The following KCNK3 variants were observed in gnomAD, a reference collection of about 807,000 sequenced individuals.
KCNK3 encodes the protein potassium two pore domain channel subfamily K member 3.
A neutral mutation model predicts 27.3 loss-of-function variants in KCNK3; 9 were observed. The observed-to-expected ratio is 0.33, with a 90% CI of 0.20 to 0.57. The LOEUF is 0.57. Ranked by LOEUF, KCNK3 falls within the 20% of genes least tolerant of loss-of-function variation. KCNK3 has a pLI of 0.87. For missense variants in KCNK3, 391 were observed against 577.7 expected, an observed-to-expected ratio of 0.68 and a Z score of 3.31; for synonymous variants, 278 against 273.8, an observed-to-expected ratio of 1.02 and a Z score of -0.15.
At chr2:26,717,366 C>T (rs1662988) in intron 1 of KCNK3, among the ~76,000 whole-genome samples, 52,017 of 151,996 alleles carry the variant, frequency 0.34, 10,019 homozygotes, top group African/African-American at 0.52. Context: ...GATACCAACA[C>T]ACCCCTGTTT....
At chr2:26,699,250 A>AAAGC (rs1406077526) in intron 1 of KCNK3, among the ~76,000 whole-genome samples, 2,012 of 142,786 alleles carry the variant, frequency 0.014, 44 homozygotes, top group African/African-American at 0.047. Context: ...AGAAAGAAAG[A>AAAGC]AAGCCAGCCA....
chr2:26,720,331 G>A (rs1241692813), intron 1 of KCNK3, among the ~76,000 whole-genome samples: 2 of 152,158 alleles, frequency 1.3e-5, no homozygotes, highest in Non-Finnish European at 2.9e-5. Flanking sequence ...CGCTCCTAAG[G>A]TCCCTATCCC....
rs555357233 is a variant in KCNK3 at position 26,716,312 on chromosome 2, A to G, written c.284-11355A>G. 6.0e-4 allele frequency among the ~76,000 whole-genome samples: 92 copies of G among 152,332 alleles called. 1 individual carries two copies. The highest frequency in any genetic ancestry group is 3.4e-3 in the Middle Eastern group (1 of 294). On this transcript the variant is annotated intron_variant, in intron 1 of 1. Transcript: ENST00000302909. ...ACAGCAATGCAAGCTCAAACAATAG[A>G]ATGTATAGAGATTGCTTTGTAATTG...
intron 1 of KCNK3, among the ~76,000 whole-genome samples, chr2:26,716,331 G>A (rs1663231752): frequency 6.6e-6 from 1 of 152,166 alleles, no homozygotes; most frequent in Non-Finnish European, 1.5e-5. Context: ...AGATTGCTTT[G>A]TAATTGATAA....
chr2:26,706,109 T>G (rs1572605157), intron 1 of KCNK3, among the ~76,000 whole-genome samples: 1 of 152,316 alleles, frequency 6.6e-6, no homozygotes, highest in East Asian at 1.9e-4. Context: ...TATTCCATAC[T>G]TGGGAGGCTG....
At chr2:26,697,284 C>T (rs1027000736) in intron 1 of KCNK3, among the ~76,000 whole-genome samples, 3 of 152,110 alleles carry the variant, frequency 2.0e-5, no homozygotes, top group Non-Finnish European at 2.9e-5. Context: ...GTAGACAGAT[C>T]GCTTGAGGCC....
chr2:26,714,783 G>A (rs915862792), intron 1 of KCNK3, among the ~76,000 whole-genome samples: 17 of 133,464 alleles, frequency 1.3e-4, no homozygotes, highest in Non-Finnish European at 2.4e-4. Context: ...CTACTCAGGA[G>A]GATGAGGCAG....
intron 1 of KCNK3, among the ~76,000 whole-genome samples, chr2:26,720,111 C>T (rs1038551844): frequency 2.6e-5 from 4 of 152,074 alleles, no homozygotes; most frequent in African/African-American, 4.8e-5. Context: ...AAAAATTAGC[C>T]GGATGTGGTG....
chr2:26,698,959 G>C (rs956881506), intron 1 of KCNK3, among the ~76,000 whole-genome samples: 1 of 152,044 alleles, frequency 6.6e-6, no homozygotes, highest in African/African-American at 2.4e-5. Flanking sequence ...GGCAGATCGC[G>C]TGAGGTCAGG....
intron 1 of KCNK3, among the ~76,000 whole-genome samples, chr2:26,709,209 G>A (rs1252264691): frequency 6.6e-6 from 1 of 152,210 alleles, no homozygotes; most frequent in Non-Finnish European, 1.5e-5. Flanking sequence ...ATCCATGAAG[G>A]CAGTTAGACA....
intron 1 of KCNK3, among the ~76,000 whole-genome samples, chr2:26,717,819 G>A (rs535070083): frequency 7.9e-5 from 12 of 152,240 alleles, no homozygotes; most frequent in South Asian, 4.1e-4. Flanking sequence ...TATCCTCTCC[G>A]TCTCCATTCT....
chr2:26,727,704 G>A lies in KCNK3; in HGVS notation c.321G>A (p.Lys107=). The A allele has an allele frequency of 6.5e-7, 1 of 1,533,912 alleles. No individual in the cohort carries two copies. Among genetic ancestry groups the A allele is most frequent in the Non-Finnish European group, 8.8e-7 (1 of 1,138,666 alleles). Residue 107 remains lysine, a synonymous_variant, in exon 2 of 2, where the codon AAG becomes AAA. Transcript: ENST00000302909. ...GHAAPSTDGG[K]VFCMFYALLG... ...CGGCACCCAGCACGGATGGCGGCAA[G>A]GTGTTCTGCATGTTCTACGCGCTGC...
chr2:26,718,782 G>GT (rs35266716), intron 1 of KCNK3, among the ~76,000 whole-genome samples: 3 of 151,518 alleles, frequency 2.0e-5, no homozygotes, highest in East Asian at 1.9e-4. Context: ...CTAATTTTTC[G>GT]TTTTTTTCTA....
intron 1 of KCNK3, among the ~76,000 whole-genome samples, chr2:26,723,559 T>C (rs1359773801): frequency 1.3e-5 from 2 of 152,212 alleles, no homozygotes; most frequent in Non-Finnish European, 2.9e-5. Flanking sequence ...GCCCTGGTCA[T>C]ACCTGAGCTG....
rs1033982554 is a variant in KCNK3, at chr2:26,716,647, G to A, written c.284-11020G>A. Among the ~76,000 whole-genome samples, 8 of 152,250 alleles carry A rather than the reference G, an allele frequency of 5.3e-5. No individual in the cohort carries two copies. The South Asian group carries it at 6.2e-4, about 12-fold the overall frequency. ...CCCAAGAGCTGCTGACACCATGTCC[G>A]CAGCCAGGTTTAGGCACCAGATCCT... On this transcript the variant is annotated intron_variant, in intron 1 of 1. Transcript: ENST00000302909.
At chr2:26,697,718 C>A (rs1670253113) in intron 1 of KCNK3, among the ~76,000 whole-genome samples, 1 of 152,100 alleles carries the variant, frequency 6.6e-6, no homozygotes, top group Admixed American at 6.5e-5. Flanking sequence ...AAGGCAACAA[C>A]AAAGAGACCA....
chr2:26,715,943 G>A (rs1328499258), intron 1 of KCNK3, among the ~76,000 whole-genome samples: 4 of 152,240 alleles, frequency 2.6e-5, no homozygotes, highest in Non-Finnish European at 5.9e-5. Context: ...CACTGTTTGT[G>A]AGGGAGAGAA....
At chr2:26,699,244 A>AGAAAGAAAGAAG (rs1670276514) in intron 1 of KCNK3, among the ~76,000 whole-genome samples, 4 of 151,310 alleles carry the variant, frequency 2.6e-5, no homozygotes, top group Non-Finnish European at 2.9e-5. Flanking sequence ...AAAGAAAGAA[A>AGAAAGAAAGAAG]GAAAGAAAGC....
rs527859484 is a variant in KCNK3 at position 26,721,041 on chromosome 2, C to T, written c.284-6626C>T. Among the ~76,000 whole-genome samples, 1 of 152,200 alleles carries T rather than the reference C, an allele frequency of 6.6e-6. No individual in the cohort carries two copies. The highest frequency in any genetic ancestry group is 6.5e-5 in the Admixed American group (1 of 15,294). On this transcript the variant is annotated intron_variant, in intron 1 of 1. Transcript: ENST00000302909. This position sits in a 1 kb window ranked among gnomAD's most constrained non-coding sequence, Gnocchi z 4.3. ...GCAGGAGCTATGAGTCACCCGAGGC[C>T]CTCCTGCCAAGGGCCACCTCCCGTC...
Sources: gnomAD v4.1 joint callset for allele counts (sites outside exome capture counted in the v4.1 genomes callset) on GRCh38, gnomAD v4.1.1 for gene constraint, Gnocchi (gnomAD v3.1) non-coding constraint, MANE v1.5 for transcripts, NCBI Gene and HGNC (gene_info 2026-07-23, HGNC 2026-07-21) for gene names.